EPHA6: variants seen among roughly 807,000 people sequenced by gnomAD.
EPHA6 encodes the protein ephrin type-A receptor 6.
In EPHA6, 50 loss-of-function variants were observed where a neutral mutation model predicts 112.0. The ratio of observed to expected loss-of-function variants is 0.45; its 90% CI spans 0.36 to 0.56. The LOEUF is 0.56. Ranked by LOEUF, EPHA6 falls within the 20% of genes least tolerant of loss-of-function variation. EPHA6 has a pLI of 0.00. For synonymous variants in EPHA6, 529 were observed against 490.7 expected (o/e 1.08, Z -1.03); for missense variants, 1,280 against 1,417.4 (o/e 0.90, Z 1.56).
chr3:96,926,906 C>A (rs2040063998), intron 2 of EPHA6, among the ~76,000 whole-genome samples: 1 of 152,188 alleles, frequency 6.6e-6, no homozygotes, highest in Non-Finnish European at 1.5e-5. Flanking sequence ...CCTATTGTCA[C>A]AGCTGCACTA....
At position 97,227,019 on chromosome 3, in the gene EPHA6, A is replaced by G. The variant is rs561696262; in HGVS notation, c.1270+600A>G. Among the ~76,000 whole-genome samples the G allele has an allele frequency of 6.6e-5, 10 of 152,310 alleles. No homozygotes were observed. The South Asian group carries it at 1.7e-3, about 25-fold the overall frequency. On this transcript the variant is annotated intron_variant, in intron 4 of 17. Coordinates refer to ENST00000389672, the MANE Select transcript of EPHA6 (RefSeq NM_001080448.3). Reference sequence around the variant, plus strand: ...GGTCATTTTAATGCATACACCAAGAATTTTAAATGAATTGTATTCTTCTAT... The same window carrying G: ...GGTCATTTTAATGCATACACCAAGAGTTTTAAATGAATTGTATTCTTCTAT...
rs538077099 is a variant in EPHA6 at position 97,407,271 on chromosome 3, T to C, written c.1731+1997T>C. On this transcript the variant is annotated intron_variant, in intron 6 of 17. Coordinates refer to ENST00000389672, the MANE Select transcript of EPHA6 (RefSeq NM_001080448.3). The stretch of plus-strand genomic sequence containing the variant: ...AATGCTAATGTTTGTGTATGTACTG[T>C]TATATAGATAAATTATCTTAATGTT... 3.9e-5 allele frequency among the ~76,000 whole-genome samples: 6 copies of C among 152,012 alleles called. No individual in the cohort carries two copies. The East Asian group carries it at 1.2e-3, about 29-fold the overall frequency.
chr3:97,125,951 G>A (rs2048171162), intron 3 of EPHA6, among the ~76,000 whole-genome samples: 2 of 152,090 alleles, frequency 1.3e-5, no homozygotes, highest in African/African-American at 2.4e-5. Context: ...AAATGACTTC[G>A]ATCAGAGGCA....
At chr3:96,859,799 A>AT (rs1450930701) in intron 1 of EPHA6, among the ~76,000 whole-genome samples, 2 of 152,092 alleles carry the variant, frequency 1.3e-5, no homozygotes, top group Non-Finnish European at 2.9e-5. Flanking sequence ...AAGTGGTACA[A>AT]TTACTGACAA....
chr3:97,398,867 T>TG (rs2086834047), intron 5 of EPHA6, among the ~76,000 whole-genome samples: 1 of 151,512 alleles, frequency 6.6e-6, no homozygotes, highest in African/African-American at 2.4e-5. Flanking sequence ...TAGGGTACAG[T>TG]GTGATATTTT....
At position 97,288,508 on chromosome 3, in the gene EPHA6, C is replaced by G. The variant is rs529938312; in HGVS notation, c.1606+44221C>G. 3.3e-5 allele frequency among the ~76,000 whole-genome samples: 5 copies of G among 152,210 alleles called. No homozygotes were observed. The East Asian group carries it at 9.6e-4, about 29-fold the overall frequency. On this transcript the variant is annotated intron_variant, in intron 5 of 17. Transcript: ENST00000389672. ...TGTTTATGAGCACCCAAGCTGATAC[C>G]TTATCTTGCAGTTTTGAATAGTGCT... is the stretch of plus-strand genomic sequence containing the variant.
At chr3:97,670,843 G>A (rs1028465627) in intron 14 of EPHA6, among the ~76,000 whole-genome samples, 1 of 152,162 alleles carries the variant, frequency 6.6e-6, no homozygotes, top group Non-Finnish European at 1.5e-5. Flanking sequence ...CAGATATTGT[G>A]TTAGCTTCTC....
intron 14 of EPHA6, among the ~76,000 whole-genome samples, chr3:97,640,390 T>C (rs1055367396): frequency 6.6e-6 from 1 of 152,034 alleles, no homozygotes; most frequent in Admixed American, 6.6e-5. Flanking sequence ...TCCAAGAAAT[T>C]TGAAGGTTTT....
intron 11 of EPHA6, among the ~76,000 whole-genome samples, chr3:97,565,189 C>T (rs183074099): frequency 3.9e-5 from 6 of 152,020 alleles, no homozygotes. Flanking sequence ...ACAGCACCTT[C>T]AAGGCTCCTA....
chr3:97,654,511 T>G (rs1156753585), intron 14 of EPHA6, among the ~76,000 whole-genome samples: 1 of 151,922 alleles, frequency 6.6e-6, no homozygotes, highest in Non-Finnish European at 1.5e-5. Flanking sequence ...AAATATTGGA[T>G]ATACAACAAA....
In EPHA6 at chr3:97,078,187, G is replaced by A. The variant is rs531966843; in HGVS notation, c.1114+90194G>A. On this transcript the variant is annotated intron_variant, in intron 3 of 17. Coordinates refer to ENST00000389672, the MANE Select transcript of EPHA6 (RefSeq NM_001080448.3). ...TCACATGTCTGTTGGCTGCATAAAT[G>A]TCTTCTTTTGAGAAGTGTCTGTTCA... is the stretch of plus-strand genomic sequence containing the variant. 8.7e-4 allele frequency among the ~76,000 whole-genome samples: 133 copies of A among 152,250 alleles called. 1 individual carries two copies. Among genetic ancestry groups the A allele is most frequent in the Middle Eastern group, 3.4e-3 (1 of 294 alleles).
chr3:97,430,504 A>G (rs1451304379), intron 6 of EPHA6, among the ~76,000 whole-genome samples: 2 of 152,090 alleles, frequency 1.3e-5, no homozygotes, highest in Non-Finnish European at 2.9e-5. Context: ...GCTAGGTACT[A>G]TAGATTTTTA....
intron 6 of EPHA6, among the ~76,000 whole-genome samples, chr3:97,412,493 G>T (rs1175618795): frequency 6.6e-6 from 1 of 151,886 alleles, no homozygotes; most frequent in Admixed American, 6.6e-5. Context: ...AATAATCTAA[G>T]TTGTTATCCA....
At chr3:97,453,705 C>G (rs2090595001) in intron 7 of EPHA6, among the ~76,000 whole-genome samples, 1 of 151,534 alleles carries the variant, frequency 6.6e-6, no homozygotes. Context: ...AATGTAACCA[C>G]TTAATTATTT....
chr3:97,545,030 AT>A (rs754633813), intron 11 of EPHA6, among the ~76,000 whole-genome samples: 9 of 152,208 alleles, frequency 5.9e-5, no homozygotes, highest in South Asian at 2.1e-4. Flanking sequence ...GGATTCATTA[AT>A]TTTTTGAAGG....
chr3:97,527,743 G>A (rs1350740516), intron 10 of EPHA6, among the ~76,000 whole-genome samples: 1 of 152,098 alleles, frequency 6.6e-6, no homozygotes, highest in Non-Finnish European at 1.5e-5. Flanking sequence ...AGAGGGCAGG[G>A]TACTCGTCGA....
chr3:97,193,273 A>G (rs1352258368), intron 3 of EPHA6, among the ~76,000 whole-genome samples: 1 of 152,128 alleles, frequency 6.6e-6, no homozygotes, highest in East Asian at 1.9e-4. Context: ...ACCTATGAAC[A>G]TGGAATATCT....
At chr3:97,745,142 A>T (rs935306076) in intron 16 of EPHA6, among the ~76,000 whole-genome samples, 80 of 152,100 alleles carry the variant, frequency 5.3e-4, no homozygotes, top group Admixed American at 2.1e-3. Flanking sequence ...GAGCAGTGAA[A>T]ACTCTGAGAA....
intron 11 of EPHA6, among the ~76,000 whole-genome samples, chr3:97,543,363 A>T (rs546718934): frequency 2.3e-4 from 35 of 152,208 alleles, no homozygotes; most frequent in African/African-American, 8.4e-4. Flanking sequence ...TCCTTTCCCC[A>T]TTGCTTGTTT....
Sources: allele counts gnomAD v4.1 joint callset (sites outside exome capture counted in the v4.1 genomes callset), GRCh38; gene constraint gnomAD v4.1.1; transcripts MANE v1.5; gene names NCBI Gene and HGNC (gene_info 2026-07-23, HGNC 2026-07-21).